CAMSAP2: variants seen among roughly 807,000 people sequenced by gnomAD.
CAMSAP2 encodes calmodulin regulated spectrin associated protein family member 2, also known as calmodulin-regulated spectrin-associated protein 2.
CAMSAP2 carries 26 observed loss-of-function variants against 146.1 expected under a neutral mutation model. The observed-to-expected ratio is 0.18, with a 90% CI of 0.13 to 0.25. The LOEUF (loss-of-function observed/expected upper bound fraction) is 0.25. Ranked by LOEUF, CAMSAP2 falls within the 10% of genes least tolerant of loss-of-function variation. The probability of loss-of-function intolerance (pLI) is 1.00; values close to 1 mark genes in which losing one functional copy is unlikely to be tolerated. For synonymous variants in CAMSAP2, 499 were observed against 596.6 expected, an observed-to-expected ratio of 0.84 and a Z score of 2.38; for missense variants, 1,381 against 1,759.3, an observed-to-expected ratio of 0.78 and a Z score of 3.85.
intron 2 of CAMSAP2, among the ~76,000 whole-genome samples, chr1:200,775,537 G>A (rs1216822143): frequency 6.6e-6 from 1 of 151,752 alleles, no homozygotes; most frequent in Non-Finnish European, 1.5e-5. Context: ...CTTTTTTGTT[G>A]TTTGTTTTTT....
chr1:200,782,377 A>G (rs1274043241), intron 2 of CAMSAP2, among the ~76,000 whole-genome samples: 1 of 152,174 alleles, frequency 6.6e-6, no homozygotes, highest in Non-Finnish European at 1.5e-5. Context: ...TGACAAAGGT[A>G]TGCACTCTTG....
In CAMSAP2 at chr1:200,739,657, G is replaced by A. The variant is rs1484482564; in HGVS notation, c.-171G>A. On this transcript the variant is annotated 5_prime_UTR_variant, in exon 1 of 17. Coordinates refer to ENST00000358823, the MANE Select transcript of CAMSAP2 (RefSeq NM_203459.4). This position sits in a 1 kb window ranked among gnomAD's most constrained non-coding sequence, Gnocchi z 4.8. ...GGCGGCGGCGGCTCCCGCGGGAGGC[G>A]GCAGGCGCGCGGCGCGGACAGCTGA... 2.1e-6 allele frequency: 1 copy of A among 479,556 alleles called. No individual in the cohort carries two copies. The highest frequency in any genetic ancestry group is 4.1e-5 in the East Asian group (1 of 24,604). The allele number at this position is 479,556 out of a possible 1,614,324, so 29.7% of individuals were successfully genotyped here.
intron 11 of CAMSAP2, 49 bp downstream of exon 11, chr1:200,850,283 G>T (rs762977861): frequency 2.0e-6 from 3 of 1,468,374 alleles, no homozygotes; most frequent in South Asian, 1.5e-5. Flanking sequence ...AGATGAGTGT[G>T]GTTGTGTTGG....
At chr1:200,854,630 A>G (rs1363432722) in intron 13 of CAMSAP2, among the ~76,000 whole-genome samples, 187 bp from the exon 14 acceptor site, 3 of 152,196 alleles carry the variant, frequency 2.0e-5, no homozygotes, top group Non-Finnish European at 4.4e-5. Flanking sequence ...CTAATTTTAA[A>G]TAAATTGTGT....
chr1:200,803,953 G>A (rs1309664050), intron 2 of CAMSAP2, among the ~76,000 whole-genome samples: 1 of 150,572 alleles, frequency 6.6e-6, no homozygotes, highest in South Asian at 2.1e-4. Flanking sequence ...TTGAGACAGA[G>A]TCTTGCTCTG....
At chr1:200,839,081 A>G (rs191691283) in intron 6 of CAMSAP2, among the ~76,000 whole-genome samples, 60 of 152,346 alleles carry the variant, frequency 3.9e-4, no homozygotes, top group Non-Finnish European at 6.6e-4. Flanking sequence ...GCCACTGCAT[A>G]TATAAGTGCA....
At chr1:200,834,929 C>G (rs896651856) in intron 6 of CAMSAP2, among the ~76,000 whole-genome samples, 21 of 152,048 alleles carry the variant, frequency 1.4e-4, no homozygotes, top group Non-Finnish European at 1.6e-4. Context: ...AAAACAAAAA[C>G]CATAGGGGCT....
intron 2 of CAMSAP2, among the ~76,000 whole-genome samples, chr1:200,790,313 C>T (rs1665715266): frequency 6.6e-6 from 1 of 152,018 alleles, no homozygotes; most frequent in African/African-American, 2.4e-5. Context: ...TTTAGAAATT[C>T]TCTCTCCCCT....
intron 2 of CAMSAP2, among the ~76,000 whole-genome samples, chr1:200,763,513 A>G (rs909207319): frequency 6.6e-6 from 1 of 151,646 alleles, no homozygotes. Context: ...CACTCCAGCC[A>G]GACTGGGCGA....
chr1:200,738,986 A>G lies in CAMSAP2; in HGVS notation c.-842A>G, dbSNP rs1435535884. Among the ~76,000 whole-genome samples the G allele has an allele frequency of 1.3e-5, 2 of 150,766 alleles. No individual in the cohort carries two copies. Among genetic ancestry groups the G allele is most frequent in the East Asian group, 3.9e-4 (2 of 5,104 alleles). ...GGGGGAACGATCCAGCGAGCTGCAG[A>G]AAGGGGGGCAGGAAAAAATTACAAG... On this transcript the variant is annotated 5_prime_UTR_variant, in exon 1 of 17. Coordinates refer to ENST00000358823, the MANE Select transcript of CAMSAP2 (RefSeq NM_203459.4).
intron 2 of CAMSAP2, among the ~76,000 whole-genome samples, chr1:200,789,992 A>T (rs986052536): frequency 6.6e-6 from 1 of 152,156 alleles, no homozygotes; most frequent in Non-Finnish European, 1.5e-5. Flanking sequence ...TTGTATGTTA[A>T]CCTTGTATCC....
intron 11 of CAMSAP2, among the ~76,000 whole-genome samples, chr1:200,852,306 T>C (rs999709075): frequency 6.6e-6 from 1 of 152,202 alleles, no homozygotes; most frequent in Admixed American, 6.5e-5. Context: ...GCAAATCTCA[T>C]AGGTTTTGAC....
chr1:200,828,483 C>G, intron 4 of CAMSAP2: 1 of 1,250,314 alleles, frequency 8.0e-7, no homozygotes, highest in Non-Finnish European at 1.1e-6. Context: ...CTATCAGAAG[C>G]TTTACTATAA....
chr1:200,858,232 A>T lies in CAMSAP2; in HGVS notation c.*173A>T, dbSNP rs773767614. ...ACCACAGTATTTTGGAGTGCAGAAC[A>T]TTCTCAATTAAGTGATAAGTCCAAA... On this transcript the variant is annotated 3_prime_UTR_variant, in exon 17 of 17. Transcript: ENST00000358823. The T allele has an allele frequency of 3.8e-6, 2 of 523,444 alleles. No homozygotes were observed. The highest frequency in any genetic ancestry group is 6.6e-6 in the Non-Finnish European group (2 of 303,256). The allele number at this position is 523,444 out of a possible 1,614,324, so 32.4% of individuals were successfully genotyped here.
intron 2 of CAMSAP2, among the ~76,000 whole-genome samples, chr1:200,798,296 T>C (rs61827516): frequency 0.35 from 43,656 of 125,012 alleles, 8,990 homozygotes; most frequent in Non-Finnish European, 0.41. Context: ...TTCCCACCCA[T>C]GAGCATGGAA....
intron 2 of CAMSAP2, among the ~76,000 whole-genome samples, chr1:200,772,622 AAAAT>A (rs1440045085): frequency 6.6e-6 from 1 of 152,184 alleles, no homozygotes; most frequent in African/African-American, 2.4e-5. Context: ...AAAATAAATA[AAAAT>A]AAATAAATTA....
At position 200,791,794 on chromosome 1, in the gene CAMSAP2, T is replaced by C. The variant is rs147285566; in HGVS notation, c.400-15582T>C. On this transcript the variant is annotated intron_variant, in intron 2 of 16. Transcript: ENST00000358823. ...TAGTAAGGCCAATATGGTGAAGCCCTGTCTCCACTAAAAATACAAAAATTA... is the reference window on the plus strand; with the variant it reads ...TAGTAAGGCCAATATGGTGAAGCCCCGTCTCCACTAAAAATACAAAAATTA... Among the ~76,000 whole-genome samples, 64 of 152,232 alleles carry C rather than the reference T, an allele frequency of 4.2e-4. No homozygotes were observed. The East Asian group carries it at 0.01, about 24-fold the overall frequency.
At chr1:200,775,510 T>C (rs1412071060) in intron 2 of CAMSAP2, among the ~76,000 whole-genome samples, 1 of 152,196 alleles carries the variant, frequency 6.6e-6, no homozygotes, top group African/African-American at 2.4e-5. Context: ...AGCTTCCTTT[T>C]TCATGAATAT....
At position 200,832,599 on chromosome 1, in the gene CAMSAP2, A is replaced by G; in HGVS notation, c.788-107A>G. 1.0e-6 allele frequency: 1 copy of G among 991,758 alleles called. No homozygotes were observed. The highest frequency in any genetic ancestry group is 2.2e-5 in the South Asian group (1 of 45,862). The allele number at this position is 991,758 out of a possible 1,614,324, so 61.4% of individuals were successfully genotyped here. A position where few individuals can be genotyped will look rare whatever the true frequency, so the allele number is the denominator to read the frequency against. On this transcript the variant is annotated intron_variant, in intron 5 of 16. Coordinates refer to ENST00000358823, the MANE Select transcript of CAMSAP2 (RefSeq NM_203459.4). This position sits in a 1 kb window ranked among gnomAD's most constrained non-coding sequence, Gnocchi z 4.2. Reference sequence around the variant, plus strand: ...TAATGACTACTATATTTATAAATGTATGTTTGTTAACCAGAATTGTGTATT... The same window carrying G: ...TAATGACTACTATATTTATAAATGTGTGTTTGTTAACCAGAATTGTGTATT...
Sources: gnomAD v4.1 joint callset for allele counts (sites outside exome capture counted in the v4.1 genomes callset) on GRCh38, gnomAD v4.1.1 for gene constraint, Gnocchi (gnomAD v3.1) non-coding constraint, MANE v1.5 for transcripts, NCBI Gene and HGNC (gene_info 2026-07-23, HGNC 2026-07-21) for gene names.